Variants in GSTA5 observed in about 807,000 individuals in gnomAD.
GSTA5 encodes the protein glutathione S-transferase A5.
In GSTA5, 25 loss-of-function variants were observed where a neutral mutation model predicts 21.8. The observed-to-expected ratio is 1.14, with a 90% CI of 0.83 to 1.60. GSTA5 has a LOEUF of 1.60. Among genes scored for constraint, GSTA5 ranks in the 40% most tolerant of loss-of-function variants. The pLI, the probability that GSTA5 is intolerant of heterozygous loss-of-function variation, is 0.00. For synonymous variants in GSTA5, 102 were observed against 89.5 expected (o/e 1.14, Z -0.78); for missense variants, 330 against 259.2 (o/e 1.27, Z -1.88).
At chr6:52,840,679 A>C (rs761095542) in intron 1 of GSTA5, 48 bp downstream of exon 1, 7 of 1,524,754 alleles carry the variant, frequency 4.6e-6, no homozygotes, top group South Asian at 1.1e-5. Context: ...AAAGTATGTG[A>C]TAACGCAATT....
intron 3 of GSTA5, among the ~76,000 whole-genome samples, chr6:52,834,717 A>G (rs780860316): frequency 3.9e-5 from 6 of 152,156 alleles, no homozygotes; most frequent in Non-Finnish European, 5.9e-5. Flanking sequence ...TCCTAAAAGA[A>G]TCCCTGGCAC....
intron 5 of GSTA5, 77 bp from the exon 6 acceptor site, chr6:52,832,047 C>T (rs1245948369): frequency 6.5e-6 from 10 of 1,542,520 alleles, no homozygotes; most frequent in Non-Finnish European, 8.7e-6. Flanking sequence ...GGAATGTGAG[C>T]CCCTCATGCC....
rs751102351 is a variant in GSTA5, at chr6:52,840,759, T to A, written c.55A>T (p.Ile19Phe). 59 of 1,613,968 alleles carry A rather than the reference T, an allele frequency of 3.7e-5. No individual in the cohort carries two copies. In the South Asian group the frequency reaches 6.1e-4, roughly 17 times the overall value. The stretch of plus-strand genomic sequence containing the variant: ...CCAGCTGCAGCCAGGAGCCACCGAA[T>A]GGACTCCATACTGCCCCGTGCATTG... Residue 19 changes from isoleucine (I) to phenylalanine (F), a missense_variant, in exon 1 of 6, where the codon ATT becomes TTT. Transcript: ENST00000370989.
chr6:52,841,994 T>C (rs1391931957), upstream of GSTA5, among the ~76,000 whole-genome samples: 1 of 152,208 alleles, frequency 6.6e-6, no homozygotes, highest in East Asian at 1.9e-4. Flanking sequence ...GGGTAAGTAA[T>C]GTTTCATGAG....
chr6:52,834,074 G>T (rs1581815089), intron 4 of GSTA5, 67 bp downstream of exon 4: 1 of 1,568,800 alleles, frequency 6.4e-7, no homozygotes, highest in Non-Finnish European at 8.8e-7. Context: ...CCCCAGGAAT[G>T]CCCAGCCACT....
chr6:52,833,339 G>A (rs142550054), intron 4 of GSTA5, among the ~76,000 whole-genome samples: 3,467 of 152,138 alleles, frequency 0.023, 139 homozygotes, highest in African/African-American at 0.078. Flanking sequence ...TCACATTCAG[G>A]ATGTGGCTCT....
At chr6:52,836,280 G>T in exon 3 of GSTA5, 1 of 1,613,858 alleles carries the variant, frequency 6.2e-7, no homozygotes, top group Non-Finnish European at 8.5e-7. Context: ...TGTATTTGCT[G>T]GCAATGTAGT....
chr6:52,831,709 TTTA>T (rs1764217135), exon 6 of GSTA5: 1 of 1,003,644 alleles, frequency 1.0e-6, no homozygotes, highest in Non-Finnish European at 1.5e-6. Context: ...ATAAGAGTTA[TTTA>T]TTATTTAATT....
Position 52,832,978 on chromosome 6 carries a change from G to A in GSTA5, c.427C>T (p.His143Tyr), listed in dbSNP as rs752213698. The change falls in exon 5 of 6, where the codon CAC (histidine) becomes TAC (tyrosine). Residue 143 changes from histidine to tyrosine, a missense_variant. By Grantham distance (83) the His-to-Tyr change is moderately conservative. Transcript: ENST00000370989. The stretch of plus-strand genomic sequence containing the variant: ...TTGCCAACAAGGTAGTCTTGTCTGT[G>A]GCTCTTTAAGACCTGGAGAATTGGA... 1.9e-6 allele frequency: 3 copies of A among 1,614,014 alleles called. No homozygotes were observed. The highest frequency in any genetic ancestry group is 2.2e-5 in the East Asian group (1 of 44,864).
At chr6:52,843,064 C>T (rs1764403803), upstream of GSTA5, among the ~76,000 whole-genome samples, 1 of 152,156 alleles carries the variant, frequency 6.6e-6, no homozygotes, top group Admixed American at 6.5e-5. Context: ...ATCCATGTCC[C>T]TGCAAAGGAC....
At chr6:52,841,280 C>A (rs1202355113), upstream of GSTA5, among the ~76,000 whole-genome samples, 2 of 152,152 alleles carry the variant, frequency 1.3e-5, no homozygotes, top group Admixed American at 6.5e-5. Flanking sequence ...ATACAATGTT[C>A]ACAGTCACAC....
intron 1 of GSTA5, among the ~76,000 whole-genome samples, chr6:52,838,552 A>G (rs2127324728): frequency 6.6e-6 from 1 of 152,354 alleles, no homozygotes; most frequent in South Asian, 2.1e-4. Context: ...GAGACAAGTC[A>G]CTTTGGTGGA....
At chr6:52,834,467 CA>C (rs1349126782) in intron 3 of GSTA5, among the ~76,000 whole-genome samples, 185 bp from the exon 4 acceptor site, 2 of 152,152 alleles carry the variant, frequency 1.3e-5, no homozygotes. Context: ...CTGATTTTTA[CA>C]GGTATATTAA....
intron 3 of GSTA5, among the ~76,000 whole-genome samples, chr6:52,835,652 C>T (rs1013104420): frequency 2.0e-5 from 3 of 152,170 alleles, no homozygotes; most frequent in African/African-American, 4.8e-5. Context: ...GAGGAGACCC[C>T]TTGGCTTTGT....
chr6:52,839,774 C>T (rs1225267989), intron 1 of GSTA5, among the ~76,000 whole-genome samples: 4 of 152,204 alleles, frequency 2.6e-5, no homozygotes, highest in African/African-American at 9.7e-5. Context: ...CAGCACTCAG[C>T]GGAGTCCCAC....
chr6:52,841,384 C>G (rs189611217), upstream of GSTA5, among the ~76,000 whole-genome samples: 1 of 152,336 alleles, frequency 6.6e-6, no homozygotes, highest in Non-Finnish European at 1.5e-5. Context: ...AACCCATGAA[C>G]TGGTTGTGAA....
At chr6:52,843,941 G>C (rs1158179101), upstream of GSTA5, among the ~76,000 whole-genome samples, 1 of 152,112 alleles carries the variant, frequency 6.6e-6, no homozygotes, top group African/African-American at 2.4e-5. Flanking sequence ...GGTTTCCAAG[G>C]GTCAGGCTAA....
At chr6:52,832,912 A>C in exon 5 of GSTA5, 1 of 1,614,152 alleles carries the variant, frequency 6.2e-7, no homozygotes, top group Non-Finnish European at 8.5e-7. Flanking sequence ...TCCACGTAGT[A>C]GAAAAGTTCC....
upstream of GSTA5, among the ~76,000 whole-genome samples, chr6:52,845,713 TAGAG>T (rs764411046): frequency 6.6e-6 from 1 of 152,236 alleles, no homozygotes; most frequent in African/African-American, 2.4e-5. Flanking sequence ...ACTACTTATA[TAGAG>T]AAAGAAATTT....
Sources: gnomAD v4.1 joint callset for allele counts (sites outside exome capture counted in the v4.1 genomes callset) on GRCh38, gnomAD v4.1.1 for gene constraint, MANE v1.5 for transcripts, NCBI Gene and HGNC (gene_info 2026-07-23, HGNC 2026-07-21) for gene names.